The following COMMD1 variants were observed in gnomAD, a reference collection of about 807,000 sequenced individuals.
The protein encoded by COMMD1 is copper metabolism domain containing 1.
Under a neutral mutation model 17.2 loss-of-function variants are expected in COMMD1, and 10 were observed. The ratio of observed to expected loss-of-function variants is 0.58; its 90% confidence interval spans 0.36 to 0.99. The LOEUF (loss-of-function observed/expected upper bound fraction) is 0.99, where lower values mean the gene tolerates loss of function less well. Among genes scored for constraint, COMMD1 ranks in the 50% least tolerant of loss-of-function variants. The pLI is 0.01. For missense variants in COMMD1, 270 were observed against 231.8 expected (o/e 1.17, Z -1.07); for synonymous variants, 97 against 91.6 (o/e 1.06, Z -0.34).
At chr2:61,971,824 A>G (rs969870000) in intron 1 of COMMD1, among the ~76,000 whole-genome samples, 12 of 152,172 alleles carry the variant, frequency 7.9e-5, no homozygotes, top group African/African-American at 2.4e-4. Flanking sequence ...GACATGGAGT[A>G]AAATTGGAGA....
chr2:62,033,965 G>A (rs949176336), intron 2 of COMMD1, among the ~76,000 whole-genome samples: 2 of 151,610 alleles, frequency 1.3e-5, no homozygotes, highest in Non-Finnish European at 2.9e-5. Context: ...AAAAAAAATA[G>A]CCAGGCTGGT....
intron 1 of COMMD1, among the ~76,000 whole-genome samples, chr2:61,926,016 G>A (rs544029199): frequency 1.3e-5 from 2 of 151,834 alleles, no homozygotes; most frequent in Non-Finnish European, 2.9e-5. Context: ...TTTTGCCCAG[G>A]CTGGAGTGCT....
At chr2:61,930,617 T>TG (rs1670439160) in intron 1 of COMMD1, among the ~76,000 whole-genome samples, 5 of 146,166 alleles carry the variant, frequency 3.4e-5, no homozygotes, top group East Asian at 2.0e-4. Flanking sequence ...CCACAGGGTT[T>TG]TGTGTGTGTG....
At chr2:62,035,878 C>G (rs891526958) in intron 2 of COMMD1, among the ~76,000 whole-genome samples, 1 of 151,798 alleles carries the variant, frequency 6.6e-6, no homozygotes, top group African/African-American at 2.4e-5. Context: ...ATGCTAAAAC[C>G]CTGTCTCTAA....
At position 61,905,709 on chromosome 2, in the gene COMMD1, C is replaced by T. The variant is rs753295309; in HGVS notation, c.31C>T (p.Pro11Ser). ...GGCGGGCGAGCTTGAGGGTGGCAAACCCCTGAGCGGGCTGCTGAATGCGCT... is the reference window on the plus strand; with the variant it reads ...GGCGGGCGAGCTTGAGGGTGGCAAATCCCTGAGCGGGCTGCTGAATGCGCT... The part of the protein sequence containing the change: MAAGELEGGK[P>S]LSGLLNALAQ... The change falls in exon 1 of 3, where the codon CCC becomes TCC. Residue 11 changes from proline (P) to serine (S), a missense_variant. Transcript: ENST00000311832. The T allele has an allele frequency of 2.6e-5, 41 of 1,597,842 alleles. No individual in the cohort carries two copies. The highest frequency in any genetic ancestry group is 2.9e-5 in the Non-Finnish European group (34 of 1,172,010).
At chr2:61,985,251 C>T (rs370791630) in intron 1 of COMMD1, among the ~76,000 whole-genome samples, 2 of 152,026 alleles carry the variant, frequency 1.3e-5, no homozygotes, top group Admixed American at 1.3e-4. Flanking sequence ...GGGGTTTCAC[C>T]GTGTTAGCCA....
chr2:62,102,621 C>A (rs987116290), intron 2 of COMMD1, among the ~76,000 whole-genome samples: 1 of 152,158 alleles, frequency 6.6e-6, no homozygotes, highest in African/African-American at 2.4e-5. Flanking sequence ...GTCTCATTCT[C>A]CCCTAAGGCT....
chr2:62,052,138 A>G (rs1670553828), intron 2 of COMMD1, among the ~76,000 whole-genome samples: 1 of 152,140 alleles, frequency 6.6e-6, no homozygotes, highest in African/African-American at 2.4e-5. Context: ...TAGAGAGCCA[A>G]ATTAACACAG....
intron 1 of COMMD1, among the ~76,000 whole-genome samples, chr2:61,925,787 C>A (rs1462418555): frequency 6.6e-6 from 1 of 152,050 alleles, no homozygotes. Context: ...ATTTTCTTTT[C>A]TCAGTATTAC....
chr2:61,890,870 A>G (rs1441322065), intron 1 of COMMD1, among the ~76,000 whole-genome samples: 2 of 151,794 alleles, frequency 1.3e-5, no homozygotes, highest in Non-Finnish European at 2.9e-5. Context: ...GCACTAGGAA[A>G]TGAAGATCCA....
chr2:62,071,428 G>A (rs988929759), intron 2 of COMMD1, among the ~76,000 whole-genome samples: 1 of 152,114 alleles, frequency 6.6e-6, no homozygotes, highest in Non-Finnish European at 1.5e-5. Flanking sequence ...TGTATGTCCT[G>A]CCAACTTTTT....
rs557560615 is a variant in COMMD1, at chr2:61,965,418, C to G, written c.181-35283C>G. On this transcript the variant is annotated intron_variant, in intron 1 of 2. Transcript: ENST00000311832. ...GCTAGGCCCAGATACCAAATAGGAC[C>G]TTCAGAAAAACCAGAGCTAAAACTA... Among the ~76,000 whole-genome samples the G allele has an allele frequency of 6.6e-5, 10 of 152,276 alleles. No individual in the cohort carries two copies. In the East Asian group the frequency reaches 1.9e-3, roughly 29 times the overall value.
intron 1 of COMMD1, among the ~76,000 whole-genome samples, chr2:61,937,732 A>G (rs530782728): frequency 6.6e-6 from 1 of 152,348 alleles, no homozygotes; most frequent in South Asian, 2.1e-4. Context: ...GACTTATGGC[A>G]ATTAGCTATA....
intron 2 of COMMD1, among the ~76,000 whole-genome samples, chr2:62,030,572 C>T (rs754241174): frequency 5.9e-5 from 9 of 152,160 alleles, no homozygotes; most frequent in Non-Finnish European, 1.3e-4. Context: ...CTATTGGGAA[C>T]TCTGCTAATC....
intron 2 of COMMD1, among the ~76,000 whole-genome samples, chr2:62,039,803 A>G (rs1670136718): frequency 6.6e-6 from 1 of 152,254 alleles, no homozygotes; most frequent in African/African-American, 2.4e-5. Flanking sequence ...ACTAAACACA[A>G]ATATCCTTAG....
chr2:61,931,126 A>G (rs1461361603), intron 1 of COMMD1, among the ~76,000 whole-genome samples: 1 of 152,068 alleles, frequency 6.6e-6, no homozygotes, highest in African/African-American at 2.4e-5. Flanking sequence ...AGCCTGGCCA[A>G]CTTGATGAAA....
intron 2 of COMMD1, among the ~76,000 whole-genome samples, chr2:62,087,976 C>A (rs1000081164): frequency 6.6e-6 from 1 of 152,204 alleles, no homozygotes; most frequent in Non-Finnish European, 1.5e-5. Context: ...CTTCCTCACA[C>A]TGTTTTTCTT....
At position 62,023,632 on chromosome 2, in the gene COMMD1, C is replaced by T. The variant is rs373009075; in HGVS notation, c.462+22650C>T. 1.7e-3 allele frequency among the ~76,000 whole-genome samples: 260 copies of T among 152,146 alleles called. 2 individuals are homozygous for T. Among genetic ancestry groups the T allele is most frequent in the African/African-American group, 5.7e-3 (237 of 41,514 alleles). ...CTGAGTAGCTGGGAGTACAGGTGCA[C>T]GCCACCACGCTTGGCTAATTTTTTG... is the stretch of plus-strand genomic sequence containing the variant. On this transcript the variant is annotated intron_variant, in intron 2 of 2. Coordinates refer to ENST00000311832, the MANE Select transcript of COMMD1 (RefSeq NM_152516.4).
chr2:61,936,665 C>T (rs1443747110), intron 1 of COMMD1, among the ~76,000 whole-genome samples: 1 of 152,092 alleles, frequency 6.6e-6, no homozygotes, highest in African/African-American at 2.4e-5. Flanking sequence ...AACTCCTGGG[C>T]TCAAGCGATC....
Sources: gnomAD v4.1 joint callset for allele counts (sites outside exome capture counted in the v4.1 genomes callset) on GRCh38, gnomAD v4.1.1 for gene constraint, MANE v1.5 for transcripts, NCBI Gene and HGNC (gene_info 2026-07-23, HGNC 2026-07-21) for gene names.